RPAIN: variants seen among roughly 807,000 people sequenced by gnomAD.
RPAIN encodes RPA-interacting protein.
In RPAIN, 29 loss-of-function variants were observed where a neutral mutation model predicts 30.5. The observed-to-expected ratio is 0.95, with a 90% CI of 0.71 to 1.30. The LOEUF (loss-of-function observed/expected upper bound fraction) is 1.30. Ranked by LOEUF, RPAIN falls within the 50% of genes most tolerant of loss-of-function variation. The pLI, the probability that RPAIN is intolerant of heterozygous loss-of-function variation, is 0.00. For synonymous variants in RPAIN, 101 were observed against 93.5 expected, an observed-to-expected ratio of 1.08 and a Z score of -0.46; for missense variants, 247 against 264.7, an observed-to-expected ratio of 0.93 and a Z score of 0.46.
intron 3 of RPAIN, among the ~76,000 whole-genome samples, chr17:5,424,173 G>A (rs1915160047): frequency 6.6e-6 from 1 of 151,550 alleles, no homozygotes; most frequent in Non-Finnish European, 1.5e-5. Flanking sequence ...TTTTTTTGTA[G>A]AGACAGGGTC....
chr17:5,426,318 G>A lies in RPAIN; in HGVS notation c.489+19G>A. 1.3e-6 allele frequency: 2 copies of A among 1,592,774 alleles called. No homozygotes were observed. Among genetic ancestry groups the A allele is most frequent in the Non-Finnish European group, 1.7e-6 (2 of 1,160,434 alleles). ...ATCTCATGTGAGTGTTCCACACACA[G>A]ATTTCATGATACTTCTTCCCACATG... On this transcript the variant is annotated intron_variant, in intron 5 of 6. Transcript: ENST00000381209.
At chr17:5,426,179 G>T (rs373808715) in intron 4 of RPAIN, 57 bp from the exon 5 acceptor site, 171 of 1,591,768 alleles carry the variant, frequency 1.1e-4, no homozygotes, top group Non-Finnish European at 1.4e-4. Context: ...GAAATTCAAG[G>T]TTTGGAGATC....
chr17:5,427,130 C>T (rs373451239), intron 5 of RPAIN: 1 of 151,982 alleles, frequency 6.6e-6, no homozygotes, highest in Non-Finnish European at 1.5e-5. Flanking sequence ...AGCTGAGTCA[C>T]CTGTTTTATT....
rs1324463919 is a variant in RPAIN, at chr17:5,422,200, CT to C, written c.253-568del. On this transcript the variant is annotated intron_variant, in intron 2 of 6. Coordinates refer to ENST00000381209, the MANE Select transcript of RPAIN (RefSeq NM_001033002.4). Reference sequence around the variant, plus strand: ...ATTCAAATCCTGGTTTGGCTATTGACTGTTAACTTCAGTTTGCCTCTTTGAG... The same window carrying C: ...ATTCAAATCCTGGTTTGGCTATTGACGTTAACTTCAGTTTGCCTCTTTGAG... Among the ~76,000 whole-genome samples the C allele has an allele frequency of 5.9e-5, 9 of 152,348 alleles. No individual in the cohort carries two copies. In the South Asian group the frequency reaches 8.3e-4, roughly 14 times the overall value.
chr17:5,431,681 G>T (rs1241968625), intron 6 of RPAIN: 1 of 454,458 alleles, frequency 2.2e-6, no homozygotes. Flanking sequence ...GATGGCTGAG[G>T]ATGTGTTGAA....
chr17:5,432,472 A>G, intron 6 of RPAIN, 70 bp from the exon 7 acceptor site: 1 of 1,418,082 alleles, frequency 7.1e-7, no homozygotes. Context: ...CTCATTGATT[A>G]CAACTTTTAT....
intron 5 of RPAIN, 161 bp from the exon 6 acceptor site, chr17:5,427,909 TA>T: frequency 1.4e-6 from 1 of 703,674 alleles, no homozygotes; most frequent in East Asian, 2.5e-5. Flanking sequence ...GGAGATGGGT[TA>T]AGAGATCTTG....
intron 6 of RPAIN, chr17:5,429,721 A>G: frequency 1.0e-6 from 1 of 985,464 alleles, no homozygotes; most frequent in Non-Finnish European, 1.2e-6. Context: ...ATGCTCAAAT[A>G]TGCAGTGCTT....
In RPAIN at chr17:5,420,227, G is replaced by A. The variant is rs779837339; in HGVS notation, c.17G>A (p.Arg6Lys). 6.2e-7 allele frequency: 1 copy of A among 1,613,778 alleles called. No individual in the cohort carries two copies. Among genetic ancestry groups the A allele is most frequent in the African/African-American group, 1.3e-5 (1 of 75,048 alleles). ...GAAGAGGAGATGGCGGAGTCGTTGA[G>A]GTCTCCGCGCCGCTCCCTGTACAAA... MAESL[R>K]SPRRSLYKLV... is the part of the protein sequence containing the mutation. Residue 6 changes from arginine to lysine, a missense_variant, in exon 1 of 7, where the codon AGG (arginine) becomes AAG (lysine). Physicochemically the swap from Arg to Lys is conservative, Grantham distance 26. Transcript: ENST00000381209.
intron 5 of RPAIN, 155 bp from the exon 6 acceptor site, chr17:5,427,915 AT>A: frequency 1.4e-6 from 1 of 717,262 alleles, no homozygotes; most frequent in Non-Finnish European, 2.4e-6. Flanking sequence ...GGGTTAAGAG[AT>A]CTTGGTACAG....
rs141343193 is a variant in RPAIN at position 5,422,750 on chromosome 17, C to T, written c.253-19C>T. On this transcript the variant is annotated intron_variant, in intron 2 of 6. Transcript: ENST00000381209. ...TGATTAATACTTCAAACTTCTGATG[C>T]CGCTCCTTTCTCTTCCAGCTGGAGG... The T allele has an allele frequency of 1.2e-3, 2,001 of 1,611,322 alleles. 26 individuals carry two copies. In the African/African-American group the frequency reaches 0.023, roughly 19 times the overall value.
intron 6 of RPAIN, 32 bp from the exon 7 acceptor site, chr17:5,432,510 T>A: frequency 6.2e-7 from 1 of 1,603,656 alleles, no homozygotes; most frequent in Non-Finnish European, 8.5e-7. Flanking sequence ...TAGAATACAA[T>A]TTAAGCTAAT....
Position 5,422,647 on chromosome 17 carries a change from G to T in RPAIN, c.253-122G>T, listed in dbSNP as rs1914978863. ...CCACTGTCAGCATATTCTGCAGGAG[G>T]ACTGGACTGATTTTGTCCAATAAAT... On this transcript the variant is annotated intron_variant, in intron 2 of 6. Coordinates refer to ENST00000381209, the MANE Select transcript of RPAIN (RefSeq NM_001033002.4). The T allele has an allele frequency of 3.9e-6, 3 of 769,422 alleles. No homozygotes were observed. The East Asian group carries it at 7.6e-5, about 20-fold the overall frequency. The allele number at this position is 769,422 out of a possible 1,614,324, so 47.7% of individuals were successfully genotyped here.
chr17:5,420,390 C>CA, intron 1 of RPAIN, 99 bp downstream of exon 1: 1 of 1,046,640 alleles, frequency 9.6e-7, no homozygotes, highest in Non-Finnish European at 1.4e-6. Context: ...GCAGGTGCCG[C>CA]AGCGCGCCTG....
At chr17:5,429,412 A>T (rs1471592001) in intron 6 of RPAIN, 1 of 985,346 alleles carries the variant, frequency 1.0e-6, no homozygotes, top group Non-Finnish European at 1.2e-6. Flanking sequence ...CATTAGGTTC[A>T]TGAGGGAGAG....
At chr17:5,431,212 C>T (rs1054650845) in intron 6 of RPAIN, 20 of 336,144 alleles carry the variant, frequency 5.9e-5, no homozygotes, top group South Asian at 4.7e-4. Flanking sequence ...CACAGCCAGG[C>T]ACTGTGGTTC....
intron 2 of RPAIN, 163 bp downstream of exon 2, chr17:5,421,629 C>T: frequency 1.8e-6 from 1 of 551,176 alleles, no homozygotes; most frequent in Non-Finnish European, 3.1e-6. Context: ...TAATGTTAGA[C>T]TTGTCTAGAT....
rs1373942372 is a variant in RPAIN at position 5,427,903 on chromosome 17, A to T, written c.490-168A>T. On this transcript the variant is annotated intron_variant, in intron 5 of 6. Coordinates refer to ENST00000381209, the MANE Select transcript of RPAIN (RefSeq NM_001033002.4). ...AATCTGGAGAGGCAGTTAAATGGAG[A>T]TGGGTTAAGAGATCTTGGTACAGTC... The T allele has an allele frequency of 4.4e-6, 3 of 682,158 alleles. No homozygotes were observed. In the East Asian group the frequency reaches 7.5e-5, roughly 17 times the overall value. 42.3% of individuals were successfully genotyped at this position (682,158 alleles called of 1,614,324 possible).
At chr17:5,427,587 C>CT (rs34395294) in intron 5 of RPAIN, 4,461 of 150,114 alleles carry the variant, frequency 0.03, 114 homozygotes, top group Middle Eastern at 0.048. Flanking sequence ...TTCTTTCTTT[C>CT]TTTTTTTTTT....
Sources: allele counts gnomAD v4.1 joint callset (sites outside exome capture counted in the v4.1 genomes callset), GRCh38; gene constraint gnomAD v4.1.1; transcripts MANE v1.5; gene names NCBI Gene and HGNC (gene_info 2026-07-23, HGNC 2026-07-21).